SH2D4B: variants seen among roughly 807,000 people sequenced by gnomAD.
SH2D4B encodes SH2 domain-containing protein 4B.
In SH2D4B, 45 loss-of-function variants were observed where a neutral mutation model predicts 61.5. The observed-to-expected ratio is 0.73, with a 90% CI of 0.58 to 0.94. The LOEUF is 0.94. Among genes scored for constraint, SH2D4B ranks in the 40% least tolerant of loss-of-function variants. The pLI, the probability that SH2D4B is intolerant of heterozygous loss-of-function variation, is 0.00. For synonymous variants in SH2D4B, 224 were observed against 220.4 expected (o/e 1.02, Z -0.14); for missense variants, 572 against 574.2 (o/e 1.00, Z 0.04).
chr10:80,629,950 G>A (rs543977111), intron 6 of SH2D4B, among the ~76,000 whole-genome samples: 2 of 152,300 alleles, frequency 1.3e-5, no homozygotes, highest in South Asian at 2.1e-4. Flanking sequence ...CATGGAGGAT[G>A]TAAAGATGAG....
chr10:80,629,962 T>G (rs1190063260), intron 6 of SH2D4B, among the ~76,000 whole-genome samples: 1 of 152,168 alleles, frequency 6.6e-6, no homozygotes, highest in Non-Finnish European at 1.5e-5. Context: ...AAAGATGAGT[T>G]GTCTGTGTCC....
chr10:80,612,182 C>CTTTTTTTTTTTTTTTTTT (rs796771295), intron 6 of SH2D4B, among the ~76,000 whole-genome samples: 2 of 62,994 alleles, frequency 3.2e-5, no homozygotes, highest in Non-Finnish European at 6.2e-5. Context: ...CCCACTCCTG[C>CTTTTTTTTTTTTTTTTTT]TTTTTTTTTT....
intron 1 of SH2D4B, among the ~76,000 whole-genome samples, chr10:80,543,378 A>C (rs185965247): frequency 0.015 from 2,262 of 152,192 alleles, 49 homozygotes; most frequent in African/African-American, 0.052. Flanking sequence ...GGCCCGGGGC[A>C]GTGAGGGGCT....
chr10:80,543,899 G>T (rs954934392), intron 1 of SH2D4B, among the ~76,000 whole-genome samples: 1 of 151,836 alleles, frequency 6.6e-6, no homozygotes, highest in Non-Finnish European at 1.5e-5. Flanking sequence ...GATCTGGTGG[G>T]GATGTGGAGA....
At chr10:80,634,213 G>A in intron 6 of SH2D4B, 72 bp from the exon 7 acceptor site, 2 of 1,465,258 alleles carry the variant, frequency 1.4e-6, no homozygotes, top group South Asian at 1.4e-5. Context: ...GGGGCAGGGA[G>A]GAGTGGAGAA....
Position 80,588,676 on chromosome 10 carries a change from T to C in SH2D4B, c.542T>C (p.Leu181Pro). ...AAGCGAGGAGAAGAGCAGATTCGCC[T>C]CCAGGAAGAGCAGAGGGCGAAGGAG... ...ERKRGEEQIR[L>P]QEEQRAKELY... Residue 181 changes from leucine (L) to proline (P), a missense_variant, in exon 4 of 8, where the codon CTC becomes CCC. Transcript: ENST00000646907. The C allele has an allele frequency of 6.2e-7, 1 of 1,614,022 alleles. No homozygotes were observed. Among genetic ancestry groups the C allele is most frequent in the South Asian group, 1.1e-5 (1 of 91,084 alleles).
intron 3 of SH2D4B, among the ~76,000 whole-genome samples, chr10:80,574,686 T>TA (rs201955389): frequency 0.025 from 3,451 of 137,782 alleles, 115 homozygotes; most frequent in African/African-American, 0.098. Flanking sequence ...CCTGAGTTTT[T>TA]ATTATCAATT....
intron 1 of SH2D4B, among the ~76,000 whole-genome samples, chr10:80,544,909 C>G (rs1841649865): frequency 6.6e-6 from 1 of 152,254 alleles, no homozygotes; most frequent in South Asian, 2.1e-4. Flanking sequence ...GCATGGAATG[C>G]CCTTTCCCCA....
intron 1 of SH2D4B, among the ~76,000 whole-genome samples, chr10:80,569,629 G>A (rs1842013560): frequency 6.6e-6 from 1 of 151,704 alleles, no homozygotes; most frequent in African/African-American, 2.4e-5. Flanking sequence ...CCTTGGTCAG[G>A]TCACAATGCT....
chr10:80,602,981 A>G (rs1161424429), intron 4 of SH2D4B, among the ~76,000 whole-genome samples: 1 of 152,092 alleles, frequency 6.6e-6, no homozygotes, highest in East Asian at 1.9e-4. Context: ...TGGGCTAGTT[A>G]CTTAACCTCT....
chr10:80,550,256 T>C (rs2030916132), intron 1 of SH2D4B, among the ~76,000 whole-genome samples: 1 of 152,174 alleles, frequency 6.6e-6, no homozygotes, highest in Non-Finnish European at 1.5e-5. Flanking sequence ...ACCTGGAAGA[T>C]GCACCCCTAT....
rs796771295 is a variant in SH2D4B at position 80,612,182 on chromosome 10, C to CTTTTTTTTTTTTTTTTTTTTTTTTTTTTT, written c.988+2647_988+2648insTTTTTTTTTTTTTTTTTTTTTTTTTTTTT. Among the ~76,000 whole-genome samples the CTTTTTTTTTTTTTTTTTTTTTTTTTTTTT allele has an allele frequency of 3.2e-5, 2 of 62,994 alleles. 1 individual carries two copies. 41.3% of individuals were successfully genotyped at this position (62,994 alleles called of 152,430 possible). On this transcript the variant is annotated intron_variant, in intron 6 of 7. Transcript: ENST00000646907. Reference sequence around the variant, plus strand: ...CAGCCCGGGACCTCCCCCACTCCTGCTTTTTTTTTTTTTTTTCAACTTTAC... The same window carrying CTTTTTTTTTTTTTTTTTTTTTTTTTTTTT: ...CAGCCCGGGACCTCCCCCACTCCTGCTTTTTTTTTTTTTTTTTTTTTTTTTTTTTTTTTTTTTTTTTTTTTCAACTTTAC...
chr10:80,547,908 A>G (rs1333658542), intron 1 of SH2D4B, among the ~76,000 whole-genome samples: 3 of 152,112 alleles, frequency 2.0e-5, no homozygotes, highest in African/African-American at 7.2e-5. Context: ...GATGAATGAG[A>G]TATTGCCAGC....
chr10:80,569,832 G>A (rs927018912), intron 1 of SH2D4B, among the ~76,000 whole-genome samples: 2 of 152,192 alleles, frequency 1.3e-5, no homozygotes, highest in Admixed American at 1.3e-4. Context: ...CACTGCAGGG[G>A]CCGGGAGGTT....
At chr10:80,623,071 C>T (rs1475431817) in intron 6 of SH2D4B, among the ~76,000 whole-genome samples, 3 of 152,102 alleles carry the variant, frequency 2.0e-5, no homozygotes, top group Non-Finnish European at 4.4e-5. Context: ...TGTGCCACCA[C>T]ACCTGGCTAA....
rs188635919 is a variant in SH2D4B at position 80,636,643 on chromosome 10, T to A, written c.1209+2138T>A. 7.2e-4 allele frequency among the ~76,000 whole-genome samples: 110 copies of A among 151,748 alleles called. 1 individual carries two copies. The highest frequency in any genetic ancestry group is 2.0e-3 in the Admixed American group (30 of 15,272). On this transcript the variant is annotated intron_variant, in intron 7 of 7. Transcript: ENST00000646907. ...ATCCTTTGCCCAATTTTTGATGGGA[T>A]TGTTTGTTTTTTTTCTTGTAAATTT...
chr10:80,571,834 G>T (rs112258487), intron 3 of SH2D4B, among the ~76,000 whole-genome samples: 1 of 148,240 alleles, frequency 6.7e-6, no homozygotes, highest in South Asian at 2.1e-4. Flanking sequence ...GTGCAGTGGC[G>T]CAGTCTCGGC....
chr10:80,646,089 G>T lies in SH2D4B; in HGVS notation c.*2004G>T, dbSNP rs938543587. ...GAGTTTTCTGTATGGCCGTCACTAG[G>T]TTTTTTTGTGGGTTAGTTAAATGAT... On this transcript the variant is annotated 3_prime_UTR_variant, in exon 8 of 8. Transcript: ENST00000646907. 1 of 152,542 alleles carries T rather than the reference G, an allele frequency of 6.6e-6. No homozygotes were observed. Among genetic ancestry groups the T allele is most frequent in the Admixed American group, 6.5e-5 (1 of 15,268 alleles). 9.4% of individuals were successfully genotyped at this position (152,542 alleles called of 1,614,324 possible). A position where few individuals can be genotyped will look rare whatever the true frequency, so the allele number is the denominator to read the frequency against.
At chr10:80,619,438 T>G (rs1589359942) in intron 6 of SH2D4B, among the ~76,000 whole-genome samples, 1 of 152,210 alleles carries the variant, frequency 6.6e-6, no homozygotes, top group African/African-American at 2.4e-5. Flanking sequence ...TATGGCAGCC[T>G]CAGGTGCTTG....
Sources: gnomAD v4.1 joint callset for allele counts (sites outside exome capture counted in the v4.1 genomes callset) on GRCh38, gnomAD v4.1.1 for gene constraint, MANE v1.5 for transcripts, NCBI Gene and HGNC (gene_info 2026-07-23, HGNC 2026-07-21) for gene names.